Variants in PRKCH observed in about 807,000 individuals in gnomAD.
PRKCH encodes the protein protein kinase C eta.
A neutral mutation model predicts 82.5 loss-of-function variants in PRKCH; 28 were observed. That is an observed-to-expected ratio of 0.34 (90% confidence interval 0.25 to 0.47). The LOEUF is 0.47. PRKCH is among the 20% of genes least tolerant of loss of function. PRKCH has a pLI of 1.00. For synonymous variants in PRKCH, 322 were observed against 327.4 expected, an observed-to-expected ratio of 0.98 and a Z score of 0.18; for missense variants, 705 against 881.8, an observed-to-expected ratio of 0.80 and a Z score of 2.54.
intron 1 of PRKCH, among the ~76,000 whole-genome samples, chr14:61,217,566 T>A (rs1295600633): frequency 1.3e-5 from 2 of 152,168 alleles, no homozygotes. Context: ...CTATTTCCTG[T>A]TTCCACATCT....
chr14:61,259,975 A>C (rs1182011623), intron 1 of PRKCH, among the ~76,000 whole-genome samples: 1 of 152,234 alleles, frequency 6.6e-6, no homozygotes, highest in Admixed American at 6.5e-5. Context: ...CAGAGGGTTC[A>C]CAGATTTCAC....
intron 1 of PRKCH, among the ~76,000 whole-genome samples, chr14:61,356,144 G>A (rs1392549584): frequency 6.6e-6 from 1 of 152,236 alleles, no homozygotes; most frequent in Non-Finnish European, 1.5e-5. Context: ...GAAAGAGGAA[G>A]TGGAGGGGGG....
chr14:61,385,149 T>C (rs534352548), intron 1 of PRKCH, among the ~76,000 whole-genome samples: 1 of 151,042 alleles, frequency 6.6e-6, no homozygotes, highest in East Asian at 1.9e-4. Flanking sequence ...ATGACTGTTA[T>C]AGTAAGAATG....
intron 2 of PRKCH, among the ~76,000 whole-genome samples, chr14:61,391,653 T>C (rs1292860190): frequency 6.6e-6 from 1 of 152,282 alleles, no homozygotes; most frequent in East Asian, 1.9e-4. Context: ...ATGAAAGAAA[T>C]TTAGGGATCC....
upstream of PRKCH, among the ~76,000 whole-genome samples, chr14:61,321,483 G>A (rs967112152): frequency 2.6e-5 from 4 of 152,208 alleles, no homozygotes; most frequent in African/African-American, 9.6e-5. The surrounding 1 kb of genome is among the most constrained non-coding windows in gnomAD (Gnocchi z 4.1). Context: ...GCCTCCCGGG[G>A]GCTTGCGCGG....
At chr14:61,188,408 T>TTCTGGCTCCGGCTCTGGC (rs2044379910) in intron 1 of PRKCH, among the ~76,000 whole-genome samples, 1 of 152,086 alleles carries the variant, frequency 6.6e-6, no homozygotes, top group South Asian at 2.1e-4. Context: ...TCTCAGGCAG[T>TTCTGGCTCCGGCTCTGGC]TCTGGCTCCG....
chr14:61,362,998 C>T (rs549772481), intron 1 of PRKCH, among the ~76,000 whole-genome samples: 1 of 152,290 alleles, frequency 6.6e-6, no homozygotes, highest in South Asian at 2.1e-4. Flanking sequence ...TAGACGGAGT[C>T]TTGAACAATG....
At chr14:61,511,477 T>C (rs747725071) in intron 10 of PRKCH, among the ~76,000 whole-genome samples, 4 of 152,140 alleles carry the variant, frequency 2.6e-5, no homozygotes, top group Non-Finnish European at 5.9e-5. Context: ...GCCTCTCGGA[T>C]GGCTCAAGTC....
At chr14:61,214,260 C>T (rs1371359694) in intron 1 of PRKCH, among the ~76,000 whole-genome samples, 1 of 152,168 alleles carries the variant, frequency 6.6e-6, no homozygotes, top group Non-Finnish European at 1.5e-5. Context: ...TGAATGGCTT[C>T]TCCAAACAAT....
At chr14:61,347,400 T>C (rs1208247548) in intron 1 of PRKCH, among the ~76,000 whole-genome samples, 2 of 152,238 alleles carry the variant, frequency 1.3e-5, no homozygotes, top group Non-Finnish European at 2.9e-5. Flanking sequence ...GTTCCTCCTT[T>C]ACCTGCCTTC....
chr14:61,336,515 C>T (rs181581320), intron 1 of PRKCH, among the ~76,000 whole-genome samples: 3 of 152,246 alleles, frequency 2.0e-5, no homozygotes, highest in African/African-American at 7.2e-5. Context: ...CAATATTGGA[C>T]AGCAGAGGGT....
intron 10 of PRKCH, 87 bp downstream of exon 10, chr14:61,485,743 A>G (rs1886191066): frequency 1.4e-6 from 2 of 1,448,472 alleles, no homozygotes; most frequent in South Asian, 1.3e-5. Context: ...CATGATAATC[A>G]GTTGAAACCT....
intron 1 of PRKCH, among the ~76,000 whole-genome samples, chr14:61,381,786 G>C (rs771196418): frequency 1.3e-5 from 2 of 152,248 alleles, no homozygotes; most frequent in Non-Finnish European, 2.9e-5. Flanking sequence ...TCTTGCCCAG[G>C]CTCCCAGGGG....
chr14:61,210,134 ATATATATATATATATATATATATATAT>A lies in PRKCH; in HGVS notation c.-19+22467_-19+22493del, dbSNP rs2044561020. On this transcript the variant is annotated intron_variant, in intron 1 of 3. Coordinates refer to the PRKCH transcript ENST00000555185. ...CAAATATATATATATATATATATAT[ATATATATATATATATATATATATATAT>A]AAATTAGCTTGGCATAGTGGCAGGC... Among the ~76,000 whole-genome samples, 24 of 38,868 alleles carry A rather than the reference ATATATATATATATATATATATATATAT, an allele frequency of 6.2e-4. No individual in the cohort carries two copies. In the East Asian group the frequency reaches 0.012, roughly 19 times the overall value. The allele number at this position is 38,868 out of a possible 152,430, so 25.5% of individuals were successfully genotyped here.
intron 1 of PRKCH, among the ~76,000 whole-genome samples, chr14:61,383,327 A>G (rs1295741296): frequency 6.6e-6 from 1 of 152,084 alleles, no homozygotes; most frequent in Non-Finnish European, 1.5e-5. Context: ...AACTCAGCAG[A>G]TATGTATTGA....
chr14:61,470,850 C>A (rs1181630068), intron 9 of PRKCH, among the ~76,000 whole-genome samples: 2 of 152,124 alleles, frequency 1.3e-5, no homozygotes, highest in African/African-American at 4.8e-5. Context: ...AAATTCTTCC[C>A]TCCTCTCCAT....
chr14:61,420,019 T>C (rs7157248), intron 2 of PRKCH, among the ~76,000 whole-genome samples: 132,276 of 152,096 alleles, frequency 0.87, 57,885 homozygotes, highest in East Asian at 1. Context: ...TTCTGTGGGA[T>C]TCAGTGGCCC....
intron 6 of PRKCH, among the ~76,000 whole-genome samples, chr14:61,452,215 C>G (rs1180464465): frequency 6.6e-6 from 1 of 152,152 alleles, no homozygotes; most frequent in Non-Finnish European, 1.5e-5. Flanking sequence ...TGTCTTACAC[C>G]TGTCTTCCTG....
At chr14:61,213,409 T>C (rs182721102) in intron 1 of PRKCH, among the ~76,000 whole-genome samples, 21 of 152,134 alleles carry the variant, frequency 1.4e-4, no homozygotes, top group Admixed American at 1.2e-3. Flanking sequence ...GAATGCAGAG[T>C]TGCCAAACTT....
Sources: allele counts gnomAD v4.1 joint callset (sites outside exome capture counted in the v4.1 genomes callset), GRCh38; gene constraint gnomAD v4.1.1; non-coding constraint Gnocchi (gnomAD v3.1); transcripts MANE v1.5; gene names NCBI Gene and HGNC (gene_info 2026-07-23, HGNC 2026-07-21).